LRRC45: variants seen among roughly 807,000 people sequenced by gnomAD.
LRRC45 encodes the protein leucine rich repeat containing 45, also known as leucine-rich repeat-containing protein 45.
Under a neutral mutation model 85.4 loss-of-function variants are expected in LRRC45, and 73 were observed. The ratio of observed to expected loss-of-function variants is 0.85; its 90% CI spans 0.71 to 1.04. The LOEUF is 1.04. Among genes scored for constraint, LRRC45 ranks in the 50% least tolerant of loss-of-function variants. LRRC45 has a pLI of 0.00. For missense variants in LRRC45, 937 were observed against 883.3 expected, an observed-to-expected ratio of 1.06 and a Z score of -0.77; for synonymous variants, 429 against 386.0, an observed-to-expected ratio of 1.11 and a Z score of -1.31.
At position 82,023,745 on chromosome 17, in the gene LRRC45, G is replaced by T; in HGVS notation, c.102G>T (p.Arg34=). ...AGCTGCACCAGCTTCCCAGGGGCCG[G>T]CTGGACCTGGCCACGCAAAGCCTGA... ...LQQLHQLPRG[R]LDLATQSLTV... is the part of the protein sequence containing the mutation. Residue 34 remains arginine (R), a synonymous_variant, in exon 1 of 17, where the codon CGG becomes CGT. Coordinates refer to ENST00000306688, the MANE Select transcript of LRRC45 (RefSeq NM_144999.4). The T allele has an allele frequency of 6.4e-7, 1 of 1,552,550 alleles. No individual in the cohort carries two copies. The highest frequency in any genetic ancestry group is 8.7e-7 in the Non-Finnish European group (1 of 1,152,336).
At chr17:82,028,815 C>T in intron 12 of LRRC45, 132 bp downstream of exon 12, 1 of 1,069,338 alleles carries the variant, frequency 9.4e-7, no homozygotes. Context: ...TTTTGCCAGC[C>T]TGAGCGGATG....
At position 82,030,640 on chromosome 17, in the gene LRRC45, G is replaced by A. The variant is rs765634854; in HGVS notation, c.1848G>A (p.Leu616=). ...VMASDHREAL[L]DRESENASLR... Reference sequence around the variant, plus strand: ...CGAGCGACCACCGAGAGGCGCTGCTGGACAGGGAGAGCGAGAACGCGTCTC... The same window carrying A: ...CGAGCGACCACCGAGAGGCGCTGCTAGACAGGGAGAGCGAGAACGCGTCTC... Residue 616 remains leucine (L), a synonymous_variant, in exon 17 of 17, where the codon CTG becomes CTA. Coordinates refer to ENST00000306688, the MANE Select transcript of LRRC45 (RefSeq NM_144999.4). The A allele has an allele frequency of 1.4e-6, 2 of 1,421,770 alleles. No homozygotes were observed. Among genetic ancestry groups the A allele is most frequent in the African/African-American group, 1.5e-5 (1 of 68,142 alleles). 88.1% of individuals were successfully genotyped at this position (1,421,770 alleles called of 1,614,324 possible).
At position 82,025,707 on chromosome 17, in the gene LRRC45, C is replaced by T. The variant is rs143988011; in HGVS notation, c.661+200C>T. On this transcript the variant is annotated intron_variant, in intron 5 of 16. Coordinates refer to ENST00000306688, the MANE Select transcript of LRRC45 (RefSeq NM_144999.4). Reference sequence around the variant, plus strand: ...CGCCACACATGGGCACTGTCCGAGGCGCCCTGTGTACTTGCTGAGTTCTTA... The same window carrying T: ...CGCCACACATGGGCACTGTCCGAGGTGCCCTGTGTACTTGCTGAGTTCTTA... 3.9e-5 allele frequency among the ~76,000 whole-genome samples: 6 copies of T among 152,344 alleles called. No homozygotes were observed. In the South Asian group the frequency reaches 6.2e-4, roughly 16 times the overall value.
In LRRC45 at chr17:82,023,742, C is replaced by T. The variant is rs1307692737; in HGVS notation, c.99C>T (p.Gly33=). 3 of 1,551,896 alleles carry T rather than the reference C, an allele frequency of 1.9e-6. No homozygotes were observed. Among genetic ancestry groups the T allele is most frequent in the South Asian group, 1.2e-5 (1 of 84,526 alleles). Residue 33 remains glycine, a synonymous_variant, in exon 1 of 17, where the codon GGC becomes GGT. Transcript: ENST00000306688. The part of the protein sequence containing the change: ...VLQQLHQLPR[G]RLDLATQSLT... ...AGCAGCTGCACCAGCTTCCCAGGGG[C>T]CGGCTGGACCTGGCCACGCAAAGCC...
intron 1 of LRRC45, 53 bp from the exon 2 acceptor site, chr17:82,024,224 GA>G: frequency 6.3e-7 from 1 of 1,590,972 alleles, no homozygotes; most frequent in Admixed American, 1.7e-5. Context: ...GGCCCACGGG[GA>G]GGGCCTTGGG....
Position 82,031,093 on chromosome 17 carries a change from G to A in LRRC45, c.*288G>A, listed in dbSNP as rs1197283684. ...CGCCTTTTGCGATGTCACCGTGAAC[G>A]CTGCGGCCGCCTGCGCGCGGCGGGG... On this transcript the variant is annotated 3_prime_UTR_variant, in exon 17 of 17. Coordinates refer to ENST00000306688, the MANE Select transcript of LRRC45 (RefSeq NM_144999.4). 9 of 364,944 alleles carry A rather than the reference G, an allele frequency of 2.5e-5. No homozygotes were observed. Among genetic ancestry groups the A allele is most frequent in the Middle Eastern group, 6.7e-4 (1 of 1,492 alleles). The allele number at this position is 364,944 out of a possible 1,614,324, so 22.6% of individuals were successfully genotyped here. A position where few individuals can be genotyped will look rare whatever the true frequency, so the allele number is the denominator to read the frequency against.
At chr17:82,025,589 C>G (rs768825198) in intron 5 of LRRC45, 82 bp downstream of exon 5, 2 of 1,437,464 alleles carry the variant, frequency 1.4e-6, no homozygotes, top group Admixed American at 4.7e-5. Flanking sequence ...GGGCTCAGGA[C>G]GGGAACTGAT....
chr17:82,024,595 C>G, intron 2 of LRRC45, 98 bp from the exon 3 acceptor site: 3 of 1,384,254 alleles, frequency 2.2e-6, no homozygotes, highest in South Asian at 1.4e-5. Context: ...GGGTGCACCC[C>G]AGGCTTGTCC....
chr17:82,030,217 G>A lies in LRRC45; in HGVS notation c.1647G>A (p.Arg549=), dbSNP rs1039534267. 10 of 1,535,726 alleles carry A rather than the reference G, an allele frequency of 6.5e-6. No individual in the cohort carries two copies. The African/African-American group carries it at 1.4e-4, about 21-fold the overall frequency. Residue 549 remains arginine (R), a synonymous_variant, in exon 15 of 17, where the codon CGG becomes CGA. Transcript: ENST00000306688. ...GCCTGCAAGTTGAGGGCCTGCGGCG[G>A]CGCCTGGAAGAGCTGCAGCAGGTAG... ...QLGLQVEGLR[R]RLEELQQELS...
chr17:82,030,594 CTCCTT>C lies in LRRC45; in HGVS notation c.1817-14_1817-10del. ...GCTGGGGCTGCGTCCGCTCACTGCG[CTCCTT>C]GCCCTGCAGTGATGGCGAGCGACCA... On this transcript the variant is annotated splice_polypyrimidine_tract_variant and intron_variant, in intron 16 of 16. Transcript: ENST00000306688. 1 of 1,459,528 alleles carries C rather than the reference CTCCTT, an allele frequency of 6.9e-7. No homozygotes were observed. Among genetic ancestry groups the C allele is most frequent in the Non-Finnish European group, 9.0e-7 (1 of 1,108,742 alleles). The allele number at this position is 1,459,528 out of a possible 1,614,324, so 90.4% of individuals were successfully genotyped here.
At chr17:82,027,213 C>T (rs1335148218) in intron 6 of LRRC45, among the ~76,000 whole-genome samples, 173 bp from the exon 7 acceptor site, 1 of 152,200 alleles carries the variant, frequency 6.6e-6, no homozygotes, top group Non-Finnish European at 1.5e-5. Flanking sequence ...GCGTCTGAGC[C>T]CTGAGGCCTC....
intron 4 of LRRC45, 90 bp downstream of exon 4, chr17:82,025,268 T>C (rs2043358641): frequency 1.3e-6 from 2 of 1,526,858 alleles, no homozygotes; most frequent in South Asian, 1.3e-5. Context: ...TGGCCTGTGC[T>C]CCTGCTCTGT....
chr17:82,024,471 C>T, intron 2 of LRRC45, 132 bp downstream of exon 2: 1 of 1,087,398 alleles, frequency 9.2e-7, no homozygotes, highest in Non-Finnish European at 1.3e-6. Context: ...CCAGGCCGCT[C>T]TCTGATGGCC....
Position 82,023,353 on chromosome 17 carries a change from G to T in LRRC45, c.-291G>T, listed in dbSNP as rs2144135218. On this transcript the variant is annotated 5_prime_UTR_variant, in exon 1 of 17. Transcript: ENST00000306688. ...CGACGCGGCTGTCGCGAGGGCGGGG[G>T]TCGGGGCTGCAGGCGGGGCAGGGCT... 2 of 473,138 alleles carry T rather than the reference G, an allele frequency of 4.2e-6. No individual in the cohort carries two copies. Among genetic ancestry groups the T allele is most frequent in the South Asian group, 3.3e-5 (1 of 30,212 alleles). 29.3% of individuals were successfully genotyped at this position (473,138 alleles called of 1,614,324 possible).
Position 82,028,589 on chromosome 17 carries a change from ACTCTGCCCACC to A in LRRC45, c.1238-21_1238-11del, listed in dbSNP as rs753940603. On this transcript the variant is annotated splice_polypyrimidine_tract_variant and intron_variant, in intron 11 of 16. Transcript: ENST00000306688. ...GGGCCCCCAGGGGATGCTCACGCATACTCTGCCCACCCTGGGCTTCCAGAGCGCCTGGACAT... is the reference window on the plus strand; with the variant it reads ...GGGCCCCCAGGGGATGCTCACGCATACTGGGCTTCCAGAGCGCCTGGACAT... 1.2e-6 allele frequency: 2 copies of A among 1,612,642 alleles called. No homozygotes were observed. The highest frequency in any genetic ancestry group is 2.2e-5 in the South Asian group (2 of 91,066).
rs2043409276 is a variant in LRRC45 at position 82,030,484 on chromosome 17, C to T, written c.1816+18C>T. The T allele has an allele frequency of 5.9e-6, 9 of 1,536,020 alleles. No homozygotes were observed. The highest frequency in any genetic ancestry group is 1.4e-5 in the African/African-American group (1 of 73,010). On this transcript the variant is annotated intron_variant, in intron 16 of 16. Transcript: ENST00000306688. Reference sequence around the variant, plus strand: ...GCTGAAAGGTGAGCCAGACCCTTGTCCTCCCGCCGCCCACTGGTGGGACGT... The same window carrying T: ...GCTGAAAGGTGAGCCAGACCCTTGTTCTCCCGCCGCCCACTGGTGGGACGT...
At chr17:82,029,479 C>A in intron 13 of LRRC45, 64 bp from the exon 14 acceptor site, 1 of 1,512,524 alleles carries the variant, frequency 6.6e-7, no homozygotes, top group Non-Finnish European at 9.0e-7. Flanking sequence ...GCTGGATGGG[C>A]CAGAGAGAGA....
chr17:82,030,566 T>C (rs749030052), intron 16 of LRRC45, 43 bp from the exon 17 acceptor site: 12 of 1,471,286 alleles, frequency 8.2e-6, no homozygotes, highest in Non-Finnish European at 1.1e-5. Flanking sequence ...CGTGCCACGG[T>C]GCGCTGGGGC....
Position 82,028,109 on chromosome 17 carries a change from C to T in LRRC45, c.1010C>T (p.Ser337Leu). 6.3e-7 allele frequency: 1 copy of T among 1,576,918 alleles called. No homozygotes were observed. The highest frequency in any genetic ancestry group is 8.6e-7 in the Non-Finnish European group (1 of 1,162,482). ...GCGGAGCAGGAGCAGCTGAGCCTGT[C>T]ACAGAGGCAGGCCAAGGAGCTCAAG... ...ATAEQEQLSL[S>L]QRQAKELKLE... is the part of the protein sequence containing the mutation. The change falls in exon 9 of 17, where the codon TCA (serine) becomes TTA (leucine). Residue 337 changes from serine to leucine, a missense_variant. Physicochemically the swap from Ser to Leu is moderately radical, Grantham distance 145. Coordinates refer to ENST00000306688, the MANE Select transcript of LRRC45 (RefSeq NM_144999.4).
Sources: allele counts gnomAD v4.1 joint callset (sites outside exome capture counted in the v4.1 genomes callset), GRCh38; gene constraint gnomAD v4.1.1; transcripts MANE v1.5; gene names NCBI Gene and HGNC (gene_info 2026-07-23, HGNC 2026-07-21).